The following RNF43 variants were observed in gnomAD, a reference collection of about 807,000 sequenced individuals.
RNF43 encodes the protein E3 ubiquitin-protein ligase RNF43.
Under a neutral mutation model 78.4 loss-of-function variants are expected in RNF43, and 37 were observed. The ratio of observed to expected loss-of-function variants is 0.47; its 90% CI spans 0.36 to 0.62. The LOEUF (loss-of-function observed/expected upper bound fraction) is 0.62. Ranked by LOEUF, RNF43 falls within the 20% of genes least tolerant of loss-of-function variation. RNF43 has a pLI of 0.00. For synonymous variants in RNF43, 347 were observed against 395.0 expected, an observed-to-expected ratio of 0.88 and a Z score of 1.44; for missense variants, 774 against 1,007.9, an observed-to-expected ratio of 0.77 and a Z score of 3.14.
chr17:58,389,562 A>C (rs1038191615), intron 2 of RNF43, among the ~76,000 whole-genome samples: 2 of 152,226 alleles, frequency 1.3e-5, no homozygotes, highest in Non-Finnish European at 2.9e-5. Flanking sequence ...ATGTAGAATG[A>C]AAACCACCAG....
intron 6 of RNF43, 87 bp downstream of exon 6, chr17:58,362,457 C>T: frequency 1.1e-6 from 1 of 917,294 alleles, no homozygotes; most frequent in Non-Finnish European, 1.6e-6. Context: ...ATAAAGGTGC[C>T]TTCTTCACGT....
rs2143392896 is a variant in RNF43, at chr17:58,357,760, T to A, written c.2016A>T (p.Ala672=). ...EPTPGSRPQD[A]TVHPACQIFP... is the part of the protein sequence containing the mutation. ...AAATCTGGCAAGCTGGGTGCACAGT[T>A]GCATCCTGGGGCCGAGAGCCAGGGG... Residue 672 remains alanine, a synonymous_variant, in exon 9 of 10, where the codon GCA becomes GCT. Coordinates refer to ENST00000407977, the MANE Select transcript of RNF43 (RefSeq NM_017763.6). This position sits in a 1 kb window ranked among gnomAD's most constrained non-coding sequence, Gnocchi z 4.5. 1 of 1,613,442 alleles carries A rather than the reference T, an allele frequency of 6.2e-7. No homozygotes were observed.
intron 2 of RNF43, among the ~76,000 whole-genome samples, chr17:58,413,705 T>C (rs914990818): frequency 2.0e-5 from 3 of 152,212 alleles, no homozygotes; most frequent in African/African-American, 4.8e-5. Flanking sequence ...TGCCAACTGG[T>C]GCTGTTTGTT....
chr17:58,357,406 T>C lies in RNF43; in HGVS notation c.2308+62A>G. The stretch of plus-strand genomic sequence containing the variant: ...ACCCTTTGTTGGCTGACTTCACCTG[T>C]CCTGAAATATTCAGCTGTAGTCTCC... On this transcript the variant is annotated intron_variant, in intron 9 of 9. Transcript: ENST00000407977. The surrounding 1 kb of genome is among the most constrained non-coding windows in gnomAD (Gnocchi z 4.5). 6.2e-7 allele frequency: 1 copy of C among 1,602,624 alleles called. No homozygotes were observed. Among genetic ancestry groups the C allele is most frequent in the Non-Finnish European group, 8.5e-7 (1 of 1,169,592 alleles).
intron 2 of RNF43, among the ~76,000 whole-genome samples, chr17:58,376,740 TGACACCAGGG>T (rs1357116017): frequency 6.6e-6 from 1 of 152,106 alleles, no homozygotes; most frequent in Admixed American, 6.5e-5. Flanking sequence ...GTCCCCTCAG[TGACACCAGGG>T]GAGGGTCAAG....
At chr17:58,398,523 G>C (rs1052459931) in intron 2 of RNF43, among the ~76,000 whole-genome samples, 3 of 152,146 alleles carry the variant, frequency 2.0e-5, no homozygotes, top group Non-Finnish European at 4.4e-5. Flanking sequence ...TACAGAATAG[G>C]AAGTAAAAAT....
intron 2 of RNF43, among the ~76,000 whole-genome samples, chr17:58,402,992 GT>G (rs1397379597): frequency 2.0e-5 from 3 of 152,022 alleles, no homozygotes; most frequent in African/African-American, 4.8e-5. Flanking sequence ...TAAAAAAGGA[GT>G]TTTTTTGGGG....
intron 2 of RNF43, among the ~76,000 whole-genome samples, chr17:58,396,973 G>A (rs918515253): frequency 6.6e-6 from 1 of 151,598 alleles, no homozygotes. Context: ...GAGTTCCTTT[G>A]GTTCTGATGG....
Position 58,362,656 on chromosome 17 carries a change from G to T in RNF43, c.583-8C>A. The T allele has an allele frequency of 1.2e-6, 2 of 1,603,514 alleles. No homozygotes were observed. Among genetic ancestry groups the T allele is most frequent in the Non-Finnish European group, 1.7e-6 (2 of 1,173,602 alleles). On this transcript the variant is annotated splice_polypyrimidine_tract_variant and splice_region_variant and intron_variant, in intron 5 of 9. Transcript: ENST00000407977. ...CCACACATCATAATCTGGCTGGGGA[G>T]TGAGCAGAGAGGGAAAGGGTCATAC... is the stretch of plus-strand genomic sequence containing the variant.
At chr17:58,399,440 G>T (rs1973749586) in intron 2 of RNF43, among the ~76,000 whole-genome samples, 1 of 151,862 alleles carries the variant, frequency 6.6e-6, no homozygotes, top group Non-Finnish European at 1.5e-5. Flanking sequence ...AGACTTGCGG[G>T]ATAATTTCCA....
intron 2 of RNF43, among the ~76,000 whole-genome samples, chr17:58,375,610 G>A (rs1598144964): frequency 6.6e-6 from 1 of 152,158 alleles, no homozygotes. Flanking sequence ...GATAATTGAC[G>A]ATAGTTAACT....
intron 3 of RNF43, among the ~76,000 whole-genome samples, chr17:58,364,544 C>A (rs1283316262): frequency 6.6e-6 from 1 of 152,170 alleles, no homozygotes. Flanking sequence ...CAACAGCAAA[C>A]AACTAACAGG....
At chr17:58,398,343 G>T (rs931314941) in intron 2 of RNF43, among the ~76,000 whole-genome samples, 1 of 152,072 alleles carries the variant, frequency 6.6e-6, no homozygotes. Flanking sequence ...TAAGAGACTG[G>T]GCTAAACTTA....
At position 58,415,306 on chromosome 17, in the gene RNF43, TATA is replaced by T; in HGVS notation, c.252+17_252+19del. 1 of 1,613,276 alleles carries T rather than the reference TATA, an allele frequency of 6.2e-7. No individual in the cohort carries two copies. The highest frequency in any genetic ancestry group is 2.2e-5 in the East Asian group (1 of 44,886). ...TATTTCAAACAGATGGAAAGTGAAA[TATA>T]ATAAAGTTATACTTGCCTGCATTAA... On this transcript the variant is annotated intron_variant, in intron 2 of 9. Coordinates refer to ENST00000407977, the MANE Select transcript of RNF43 (RefSeq NM_017763.6).
intron 2 of RNF43, among the ~76,000 whole-genome samples, chr17:58,387,638 C>T (rs182289101): frequency 2.3e-3 from 346 of 150,836 alleles, no homozygotes; most frequent in African/African-American, 7.4e-3. Flanking sequence ...CCAGCCTGGG[C>T]GACAGAGAGA....
Position 58,363,311 on chromosome 17 carries a change from G to A in RNF43, c.546C>T (p.Ala182=), listed in dbSNP as rs2143467456. Residue 182 remains alanine (A), a synonymous_variant, in exon 5 of 10, where the codon GCC becomes GCT. Coordinates refer to ENST00000407977, the MANE Select transcript of RNF43 (RefSeq NM_017763.6). ...GCTCCTTCAGCTCAATCCTCACATG[G>A]GCCTTTTGGTTCTTGTACACAAACT... The part of the protein sequence containing the change: ...LMEFVYKNQK[A]HVRIELKEPP... The A allele has an allele frequency of 6.2e-7, 1 of 1,614,034 alleles. No homozygotes were observed. The highest frequency in any genetic ancestry group is 1.3e-5 in the African/African-American group (1 of 75,002).
rs2143401973 is a variant in RNF43 at position 58,358,047 on chromosome 17, G to A, written c.1729C>T (p.Gln577Ter). The change falls in exon 9 of 10, where the codon CAG becomes TAG. Residue 577 changes from glutamine (Q) to a stop codon, truncating the protein, a stop_gained. Transcript: ENST00000407977. LOFTEE classifies it high-confidence loss of function. The surrounding 1 kb of genome is among the most constrained non-coding windows in gnomAD (Gnocchi z 6.2). ...RKPGPETGVPQSRPPIPRTQP... is the reference protein window; with the variant it reads ...RKPGPETGVP ...GTCCGAGGAATAGGAGGCCTGGACT[G>A]GGGGACTCCGGTTTCTGGGCCAGGC... 6.3e-7 allele frequency: 1 copy of A among 1,590,538 alleles called. No homozygotes were observed. The highest frequency in any genetic ancestry group is 1.3e-5 in the African/African-American group (1 of 74,316).
Position 58,362,666 on chromosome 17 carries a change from A to G in RNF43, c.583-18T>C. The G allele has an allele frequency of 1.3e-6, 2 of 1,588,208 alleles. No homozygotes were observed. The highest frequency in any genetic ancestry group is 1.7e-6 in the Non-Finnish European group (2 of 1,161,952). ...TAATCTGGCTGGGGAGTGAGCAGAG[A>G]GGGAAAGGGTCATACTTCCGGGATG... On this transcript the variant is annotated intron_variant, in intron 5 of 9. Transcript: ENST00000407977.
chr17:58,359,883 G>A (rs998646881), intron 8 of RNF43, among the ~76,000 whole-genome samples: 10 of 152,022 alleles, frequency 6.6e-5, no homozygotes, highest in South Asian at 2.1e-4. Context: ...CCGAGATCAC[G>A]CCATTGCACT....
Sources: gnomAD v4.1 joint callset for allele counts (sites outside exome capture counted in the v4.1 genomes callset) on GRCh38, gnomAD v4.1.1 for gene constraint, Gnocchi (gnomAD v3.1) non-coding constraint, MANE v1.5 for transcripts, NCBI Gene and HGNC (gene_info 2026-07-23, HGNC 2026-07-21) for gene names.